POT1: variants seen among roughly 807,000 people sequenced by gnomAD.
The protein encoded by POT1 is protection of telomeres 1, also known as protection of telomeres protein 1.
A neutral mutation model predicts 78.5 loss-of-function variants in POT1; 47 were observed. The observed-to-expected ratio is 0.60, with a 90% CI of 0.47 to 0.76. The LOEUF (loss-of-function observed/expected upper bound fraction) is 0.76, where lower values mean the gene tolerates loss of function less well. Among genes scored for constraint, POT1 ranks in the 30% least tolerant of loss-of-function variants. POT1 has a pLI of 0.00. For missense variants in POT1, 646 were observed against 749.9 expected, an observed-to-expected ratio of 0.86 and a Z score of 1.62; for synonymous variants, 259 against 260.7, an observed-to-expected ratio of 0.99 and a Z score of 0.06.
At chr7:124,908,418 C>A (rs768760098) in intron 3 of POT1, among the ~76,000 whole-genome samples, 2 of 151,860 alleles carry the variant, frequency 1.3e-5, no homozygotes, top group Non-Finnish European at 2.9e-5. Flanking sequence ...ATGATTTGAC[C>A]CCTACCCACC....
intron 9 of POT1, among the ~76,000 whole-genome samples, chr7:124,856,585 T>C (rs1011246885): frequency 2.0e-5 from 3 of 152,074 alleles, no homozygotes; most frequent in Non-Finnish European, 4.4e-5. Context: ...ACTTACTTCA[T>C]CCTCACTACA....
intron 5 of POT1, among the ~76,000 whole-genome samples, chr7:124,895,988 T>C (rs1796482256): frequency 6.6e-6 from 1 of 151,642 alleles, no homozygotes. Flanking sequence ...AAGCAAACTT[T>C]CTACCACTGA....
At chr7:124,835,714 A>G (rs1481047858) in intron 14 of POT1, among the ~76,000 whole-genome samples, 2 of 152,194 alleles carry the variant, frequency 1.3e-5, no homozygotes, top group Non-Finnish European at 2.9e-5. Context: ...TAACCAAAAG[A>G]GGGAATATAA....
chr7:124,895,025 T>C (rs1162697348), intron 5 of POT1, among the ~76,000 whole-genome samples: 1 of 151,714 alleles, frequency 6.6e-6, no homozygotes, highest in Non-Finnish European at 1.5e-5. Flanking sequence ...ACTCCTAGGT[T>C]AATAAAACTA....
intron 16 of POT1, among the ~76,000 whole-genome samples, chr7:124,828,339 T>C (rs895522506): frequency 6.6e-6 from 1 of 152,148 alleles, no homozygotes; most frequent in Non-Finnish European, 1.5e-5. Context: ...AATAAGAAAT[T>C]AGACATACTG....
At position 124,897,222 on chromosome 7, in the gene POT1, A is replaced by G; in HGVS notation, c.-39-10T>C. 7.6e-7 allele frequency: 1 copy of G among 1,314,208 alleles called. No homozygotes were observed. The highest frequency in any genetic ancestry group is 1.3e-5 in the South Asian group (1 of 75,208). 81.4% of individuals were successfully genotyped at this position (1,314,208 alleles called of 1,614,324 possible). ...AAGATTTGACATAAACCTGAAGGAAAAAAAGAAAGAACTTATTTGTATACA... is the reference window on the plus strand; with the variant it reads ...AAGATTTGACATAAACCTGAAGGAAGAAAAGAAAGAACTTATTTGTATACA... On this transcript the variant is annotated splice_polypyrimidine_tract_variant and intron_variant, in intron 4 of 18. Transcript: ENST00000357628.
rs757922302 is a variant in POT1 at position 124,846,933 on chromosome 7, T to C, written c.1006+9A>G. The C allele has an allele frequency of 2.4e-5, 38 of 1,562,722 alleles. No individual in the cohort carries two copies. Among genetic ancestry groups the C allele is most frequent in the South Asian group, 3.3e-5 (3 of 89,946 alleles). ...CTGTGCCCATCTCAAAAATGATACATAGTCTTACTTGTAGCAGATAGCTGT... is the reference window on the plus strand; with the variant it reads ...CTGTGCCCATCTCAAAAATGATACACAGTCTTACTTGTAGCAGATAGCTGT... On this transcript the variant is annotated intron_variant, in intron 12 of 18. Coordinates refer to ENST00000357628, the MANE Select transcript of POT1 (RefSeq NM_015450.3).
At chr7:124,892,237 CA>C in intron 6 of POT1, 28 bp downstream of exon 6, 2 of 1,367,322 alleles carry the variant, frequency 1.5e-6, no homozygotes, top group South Asian at 2.7e-5. Flanking sequence ...ATTTCCACTC[CA>C]AAAAACTCCA....
intron 16 of POT1, chr7:124,828,907 T>C (rs758794317): frequency 1.8e-6 from 1 of 554,390 alleles, no homozygotes; most frequent in Non-Finnish European, 3.5e-6. Context: ...AGGTAAATAA[T>C]AATTTCACTC....
intron 8 of POT1, among the ~76,000 whole-genome samples, chr7:124,860,668 T>C (rs1007642712): frequency 6.6e-6 from 1 of 152,132 alleles, no homozygotes; most frequent in African/African-American, 2.4e-5. Flanking sequence ...GCAGGTTTGT[T>C]ACATAGGTAT....
At chr7:124,850,592 T>C (rs34395250) in intron 11 of POT1, among the ~76,000 whole-genome samples, 91,241 of 151,668 alleles carry the variant, frequency 0.6, 27,554 homozygotes, top group African/African-American at 0.65. Context: ...ATTAGCCGGG[T>C]GTGGTGGCGG....
intron 11 of POT1, among the ~76,000 whole-genome samples, chr7:124,850,675 G>A (rs1795283612): frequency 6.6e-6 from 1 of 151,800 alleles, no homozygotes; most frequent in African/African-American, 2.4e-5. Context: ...AGCTTGCAGT[G>A]AGCAGAGATC....
In POT1 at chr7:124,825,043, A is replaced by T. The variant is rs2301930; in HGVS notation, c.1792+209T>A. Among the ~76,000 whole-genome samples, 60,584 of 151,862 alleles carry T rather than the reference A, an allele frequency of 0.4. 12,220 individuals are homozygous for T. The highest frequency in any genetic ancestry group is 0.5 in the East Asian group (2,562 of 5,168). Reference sequence around the variant, plus strand: ...CCTTTCCTATATTTAAAAATATTTTAAAAATCTTTTGACTGCAGGAATTAT... The same window carrying T: ...CCTTTCCTATATTTAAAAATATTTTTAAAATCTTTTGACTGCAGGAATTAT... On this transcript the variant is annotated intron_variant, in intron 18 of 18. Transcript: ENST00000357628.
At chr7:124,883,674 T>C (rs1015545385) in intron 6 of POT1, among the ~76,000 whole-genome samples, 1 of 152,032 alleles carries the variant, frequency 6.6e-6, no homozygotes, top group Non-Finnish European at 1.5e-5. Context: ...GGGAGAAGCA[T>C]GAACCATAGA....
At chr7:124,865,589 T>C (rs1795700254) in intron 7 of POT1, among the ~76,000 whole-genome samples, 1 of 151,972 alleles carries the variant, frequency 6.6e-6, no homozygotes, top group Non-Finnish European at 1.5e-5. Context: ...AATTTCTATT[T>C]TTTTAATAGT....
chr7:124,826,614 G>A (rs10225552), intron 17 of POT1, among the ~76,000 whole-genome samples: 33,168 of 152,140 alleles, frequency 0.22, 4,055 homozygotes, highest in East Asian at 0.3. Context: ...GCTCACGCCT[G>A]TAATCTCAGC....
At position 124,863,576 on chromosome 7, in the gene POT1, TC is replaced by T; in HGVS notation, c.319del (p.Glu107ArgfsTer27). Reference protein sequence around the residue: ...TSSGFASLTFEGTLGAPIIPR... With the variant: ...TSSGFASLTFXGTLGAPIIPR... ...TATGATAGGGGCTCCCAAAGTTCCC[TC>T]AAACGTCAAAGATGCAAAGCCAGAG... On this transcript the variant is annotated frameshift_variant, in exon 8 of 19. Coordinates refer to ENST00000357628, the MANE Select transcript of POT1 (RefSeq NM_015450.3). LOFTEE classifies it high-confidence loss of function. 1 of 1,613,826 alleles carries T rather than the reference TC, an allele frequency of 6.2e-7. No individual in the cohort carries two copies. Among genetic ancestry groups the T allele is most frequent in the South Asian group, 1.1e-5 (1 of 91,078 alleles).
intron 6 of POT1, among the ~76,000 whole-genome samples, chr7:124,872,360 T>C (rs746778416): frequency 6.6e-6 from 1 of 152,226 alleles, no homozygotes; most frequent in Non-Finnish European, 1.5e-5. Flanking sequence ...GAAGTGTCAC[T>C]TTCCACAGTT....
At chr7:124,888,336 C>T (rs1422454074) in intron 6 of POT1, among the ~76,000 whole-genome samples, 3 of 152,076 alleles carry the variant, frequency 2.0e-5, no homozygotes, top group Non-Finnish European at 4.4e-5. Context: ...TGTCTGGCTT[C>T]ATGGCAGTAC....
Sources: gnomAD v4.1 joint callset for allele counts (sites outside exome capture counted in the v4.1 genomes callset) on GRCh38, gnomAD v4.1.1 for gene constraint, MANE v1.5 for transcripts, NCBI Gene and HGNC (gene_info 2026-07-23, HGNC 2026-07-21) for gene names.